RARS2: variants seen among roughly 807,000 people sequenced by gnomAD.
The protein encoded by RARS2 is probable arginine--tRNA ligase, mitochondrial.
In RARS2, 67 loss-of-function variants were observed where a neutral mutation model predicts 88.5. The ratio of observed to expected loss-of-function variants is 0.76; its 90% CI spans 0.62 to 0.93. RARS2 has a LOEUF of 0.93. RARS2 is among the 40% of genes least tolerant of loss of function. The probability of loss-of-function intolerance (pLI) is 0.00; values close to 1 mark genes in which losing one functional copy is unlikely to be tolerated. For synonymous variants in RARS2, 239 were observed against 230.3 expected (o/e 1.04, Z -0.34); for missense variants, 664 against 684.2 (o/e 0.97, Z 0.33).
chr6:87,548,512 A>G lies in RARS2; in HGVS notation c.451+79T>C, dbSNP rs1247324151. On this transcript the variant is annotated intron_variant, in intron 6 of 19. Transcript: ENST00000369536. Reference sequence around the variant, plus strand: ...TTGTTTTTTGCTATTTTGTTATTTAAGCATTAAAACATTAAATTGAACTAT... The same window carrying G: ...TTGTTTTTTGCTATTTTGTTATTTAGGCATTAAAACATTAAATTGAACTAT... 18 of 1,370,916 alleles carry G rather than the reference A, an allele frequency of 1.3e-5. 1 individual carries two copies. 84.9% of individuals were successfully genotyped at this position (1,370,916 alleles called of 1,614,324 possible). A position where few individuals can be genotyped will look rare whatever the true frequency, so the allele number is the denominator to read the frequency against.
chr6:87,550,623 C>G (rs995731764), intron 5 of RARS2, among the ~76,000 whole-genome samples: 1 of 149,764 alleles, frequency 6.7e-6, no homozygotes, highest in African/African-American at 2.5e-5. Context: ...TTTGCCAAAA[C>G]TCATCAAATT....
In RARS2 at chr6:87,518,244, C is replaced by CA. The variant is rs1170026163; in HGVS notation, c.1435dup (p.Cys479LeufsTer6). ...AGTGTTGAAGTCATTCAGGTACCCA[C>CA]ATCCAAAAGTCTCTTCCAAACTTAT... is the stretch of plus-strand genomic sequence containing the variant. On this transcript the variant is annotated frameshift_variant, in exon 17 of 20. Transcript: ENST00000369536. LOFTEE classifies it high-confidence loss of function. 1 of 1,614,044 alleles carries CA rather than the reference C, an allele frequency of 6.2e-7. No homozygotes were observed. The highest frequency in any genetic ancestry group is 8.5e-7 in the Non-Finnish European group (1 of 1,180,022).
intron 10 of RARS2, among the ~76,000 whole-genome samples, chr6:87,528,387 T>A (rs1776449860): frequency 6.6e-6 from 1 of 152,168 alleles, no homozygotes; most frequent in African/African-American, 2.4e-5. Flanking sequence ...CATCCATATA[T>A]ATGATCCAGC....
chr6:87,517,059 A>G (rs1195857239), intron 17 of RARS2, among the ~76,000 whole-genome samples, 179 bp from the exon 18 acceptor site: 1 of 152,206 alleles, frequency 6.6e-6, no homozygotes, highest in East Asian at 1.9e-4. Flanking sequence ...TGGGTGGATC[A>G]TGAGGTCAGG....
rs553076457 is a variant in RARS2 at position 87,577,702 on chromosome 6, T to C, written c.37-8112A>G. Among the ~76,000 whole-genome samples the C allele has an allele frequency of 2.6e-3, 390 of 152,312 alleles. 2 individuals carry two copies. Among genetic ancestry groups the C allele is most frequent in the Non-Finnish European group, 3.3e-3 (222 of 68,032 alleles). ...ATGGTTACTAAACAGACTATAAATG[T>C]TATAAACTTTGAGTGAGAAAGTTAC... On this transcript the variant is annotated intron_variant, in intron 1 of 19. Transcript: ENST00000369536.
intron 8 of RARS2, among the ~76,000 whole-genome samples, chr6:87,536,944 T>G (rs1779359524): frequency 6.6e-6 from 1 of 152,208 alleles, no homozygotes; most frequent in South Asian, 2.1e-4. Context: ...AAAAGAATGC[T>G]ATAAGGTACA....
intron 1 of RARS2, among the ~76,000 whole-genome samples, chr6:87,569,799 G>A (rs975250764): frequency 6.6e-6 from 1 of 151,072 alleles, no homozygotes; most frequent in African/African-American, 2.4e-5. Context: ...TAAGGATGAA[G>A]AATAAATCTG....
intron 9 of RARS2, among the ~76,000 whole-genome samples, chr6:87,529,899 A>T (rs140659190): frequency 2.3e-5 from 2 of 85,484 alleles, no homozygotes; most frequent in African/African-American, 5.6e-5. Flanking sequence ...ATTTTTGTTT[A>T]AAAAAAAAAA....
intron 5 of RARS2, 90 bp from the exon 6 acceptor site, chr6:87,548,736 G>C (rs1783411535): frequency 8.4e-7 from 1 of 1,187,108 alleles, no homozygotes; most frequent in South Asian, 1.3e-5. Flanking sequence ...TGACAAAACT[G>C]TGGAGTATGG....
intron 7 of RARS2, among the ~76,000 whole-genome samples, chr6:87,542,707 T>C (rs1781384404): frequency 6.7e-6 from 1 of 149,632 alleles, no homozygotes; most frequent in South Asian, 2.1e-4. Flanking sequence ...GTAAACTACA[T>C]ATCAAAATTC....
intron 1 of RARS2, among the ~76,000 whole-genome samples, chr6:87,579,201 C>CCAGCA (rs1470391786): frequency 8.5e-5 from 13 of 152,088 alleles, no homozygotes; most frequent in Non-Finnish European, 4.4e-5. Flanking sequence ...AGTCACTACA[C>CCAGCA]CAGCAGTTCC....
At chr6:87,517,809 G>A (rs1167828191) in intron 17 of RARS2, among the ~76,000 whole-genome samples, 2 of 152,166 alleles carry the variant, frequency 1.3e-5, no homozygotes, top group African/African-American at 2.4e-5. Flanking sequence ...CTGGGAAGCT[G>A]CACAAAGGCA....
At chr6:87,584,658 C>T in intron 1 of RARS2, 1 of 457,634 alleles carries the variant, frequency 2.2e-6, no homozygotes, top group Non-Finnish European at 4.4e-6. Flanking sequence ...ACAAATCTAC[C>T]CTCAAAAGAC....
intron 11 of RARS2, among the ~76,000 whole-genome samples, chr6:87,522,528 T>C (rs1011786447): frequency 6.6e-6 from 1 of 152,232 alleles, no homozygotes; most frequent in Non-Finnish European, 1.5e-5. Context: ...TTATATATGA[T>C]ACTGGAAAGA....
At chr6:87,579,939 C>T (rs1237982764) in intron 1 of RARS2, among the ~76,000 whole-genome samples, 4 of 151,856 alleles carry the variant, frequency 2.6e-5, no homozygotes, top group East Asian at 1.9e-4. Flanking sequence ...GACGGGGTTT[C>T]GCCATGTTGC....
intron 8 of RARS2, among the ~76,000 whole-genome samples, chr6:87,532,009 C>T (rs992393696): frequency 6.6e-6 from 1 of 151,972 alleles, no homozygotes; most frequent in Non-Finnish European, 1.5e-5. Context: ...ATCAAAACAT[C>T]CGGACAGCAG....
intron 11 of RARS2, among the ~76,000 whole-genome samples, chr6:87,524,344 CCT>C (rs1489719021): frequency 7.2e-5 from 11 of 152,284 alleles, no homozygotes; most frequent in Non-Finnish European, 1.5e-4. Context: ...TAAGGAAACC[CCT>C]GAGCTAATAT....
chr6:87,570,479 C>T (rs1055949351), intron 1 of RARS2, among the ~76,000 whole-genome samples: 5 of 152,118 alleles, frequency 3.3e-5, no homozygotes, highest in Non-Finnish European at 7.4e-5. Context: ...AGTACAGTGA[C>T]GTGATCTCGG....
At chr6:87,543,028 G>A (rs988756882) in intron 7 of RARS2, among the ~76,000 whole-genome samples, 28 of 152,284 alleles carry the variant, frequency 1.8e-4, no homozygotes, top group African/African-American at 6.5e-4. Flanking sequence ...ATGGCTGGAT[G>A]CAGTGGCTCA....
Sources: gnomAD v4.1 joint callset for allele counts (sites outside exome capture counted in the v4.1 genomes callset) on GRCh38, gnomAD v4.1.1 for gene constraint, MANE v1.5 for transcripts, NCBI Gene and HGNC (gene_info 2026-07-23, HGNC 2026-07-21) for gene names.